LNPEP: variants seen among roughly 807,000 people sequenced by gnomAD.
LNPEP encodes the protein leucyl and cystinyl aminopeptidase, also known as leucyl-cystinyl aminopeptidase.
In LNPEP, 64 loss-of-function variants were observed where a neutral mutation model predicts 120.6. The ratio of observed to expected loss-of-function variants is 0.53; its 90% CI spans 0.43 to 0.65. LNPEP has a LOEUF of 0.65. Ranked by LOEUF, LNPEP falls within the 30% of genes least tolerant of loss-of-function variation. The pLI is 0.00. For synonymous variants in LNPEP, 435 were observed against 425.4 expected (o/e 1.02, Z -0.28); for missense variants, 1,057 against 1,200.0 (o/e 0.88, Z 1.76).
chr5:96,954,772 ATTTTT>A (rs1160402498), intron 1 of LNPEP, among the ~76,000 whole-genome samples: 8 of 27,106 alleles, frequency 3.0e-4, no homozygotes, highest in East Asian at 1.2e-3. Context: ...ATATATATAT[ATTTTT>A]TTTTTTTTTT....
chr5:96,967,318 T>G (rs866959676), intron 1 of LNPEP, among the ~76,000 whole-genome samples: 1 of 152,018 alleles, frequency 6.6e-6, no homozygotes, highest in Non-Finnish European at 1.5e-5. Flanking sequence ...TATTATTTTT[T>G]TTTTTTGGTA....
At position 97,030,023 on chromosome 5, in the gene LNPEP, C is replaced by T. The variant is rs532609324; in HGVS notation, c.*1490C>T. 3.3e-5 allele frequency: 5 copies of T among 152,170 alleles called. No individual in the cohort carries two copies. In the East Asian group the frequency reaches 9.6e-4, roughly 29 times the overall value. The allele number at this position is 152,170 out of a possible 1,614,324, so 9.4% of individuals were successfully genotyped here. A position where few individuals can be genotyped will look rare whatever the true frequency, so the allele number is the denominator to read the frequency against. ...TACCCATTTGTGAGCACTTAAAACA[C>T]TCCACAGAGTCAGACAGTGGGAAAG... On this transcript the variant is annotated 3_prime_UTR_variant, in exon 18 of 18. Transcript: ENST00000231368.
intron 1 of LNPEP, among the ~76,000 whole-genome samples, chr5:96,939,846 A>G (rs73152147): frequency 0.043 from 6,473 of 152,176 alleles, 448 homozygotes; most frequent in African/African-American, 0.15. Flanking sequence ...ACAAATAACA[A>G]TTGTTCTATA....
intron 1 of LNPEP, among the ~76,000 whole-genome samples, chr5:96,966,054 T>A (rs1047449518): frequency 7.2e-5 from 11 of 152,170 alleles, no homozygotes; most frequent in Non-Finnish European, 1.3e-4. Context: ...CCTGGATAGA[T>A]ATTTAAAACA....
At chr5:97,024,780 C>A in intron 15 of LNPEP, 98 bp downstream of exon 15, 4 of 1,126,662 alleles carry the variant, frequency 3.6e-6, no homozygotes, top group Non-Finnish European at 3.8e-6. Context: ...CTCTTTTCCC[C>A]ACTTCTGTTA....
At chr5:97,015,374 C>G in intron 13 of LNPEP, among the ~76,000 whole-genome samples, 1 of 152,164 alleles carries the variant, frequency 6.6e-6, no homozygotes, top group South Asian at 2.1e-4. Flanking sequence ...TATTCAGATC[C>G]TGTTTTATTT....
At chr5:96,978,591 T>G (rs1790053643) in intron 1 of LNPEP, among the ~76,000 whole-genome samples, 1 of 152,172 alleles carries the variant, frequency 6.6e-6, no homozygotes, top group South Asian at 2.1e-4. Context: ...CATACCAGCT[T>G]GTGGTGCTCC....
Position 96,983,683 on chromosome 5 carries a change from G to A in LNPEP, c.861-1397G>A, listed in dbSNP as rs186405570. Reference sequence around the variant, plus strand: ...GCTGGTCTCAAACTCCTGATCTCAAGTGATCCGCCCACCTTGGCCTCCCAA... The same window carrying A: ...GCTGGTCTCAAACTCCTGATCTCAAATGATCCGCCCACCTTGGCCTCCCAA... On this transcript the variant is annotated intron_variant, in intron 2 of 17. Transcript: ENST00000231368. Among the ~76,000 whole-genome samples the A allele has an allele frequency of 2.4e-3, 365 of 152,298 alleles. 1 individual carries two copies. The highest frequency in any genetic ancestry group is 3.7e-3 in the Non-Finnish European group (252 of 68,024).
intron 6 of LNPEP, among the ~76,000 whole-genome samples, chr5:96,995,092 G>C (rs1337643449): frequency 1.3e-5 from 2 of 152,040 alleles, no homozygotes; most frequent in Non-Finnish European, 2.9e-5. Context: ...TGACAACAGA[G>C]TGAAACTCCA....
intron 1 of LNPEP, among the ~76,000 whole-genome samples, chr5:96,972,303 C>A (rs2112596146): frequency 6.6e-6 from 1 of 152,096 alleles, no homozygotes; most frequent in African/African-American, 2.4e-5. Flanking sequence ...TAGAGTAGGT[C>A]TTATTCTAGG....
rs573270690 is a variant in LNPEP, at chr5:97,037,389, G to A, written c.*8856G>A. 2 of 152,070 alleles carry A rather than the reference G, an allele frequency of 1.3e-5. No homozygotes were observed. Among genetic ancestry groups the A allele is most frequent in the African/African-American group, 4.8e-5 (2 of 41,408 alleles). The allele number at this position is 152,070 out of a possible 1,614,324, so 9.4% of individuals were successfully genotyped here. On this transcript the variant is annotated 3_prime_UTR_variant, in exon 18 of 18. Coordinates refer to ENST00000231368, the MANE Select transcript of LNPEP (RefSeq NM_005575.3). ...GTTGTTTCACTTGTAAAGGGAAAAG[G>A]CTTATTTTTCTTTATATTTCTGATA...
chr5:97,001,243 A>G (rs943988286), intron 8 of LNPEP, among the ~76,000 whole-genome samples: 9 of 152,184 alleles, frequency 5.9e-5, no homozygotes, highest in African/African-American at 2.2e-4. Flanking sequence ...TGGAGGTACA[A>G]CTGGACTTGG....
chr5:97,005,129 A>C (rs985631868), intron 9 of LNPEP, among the ~76,000 whole-genome samples: 1 of 152,192 alleles, frequency 6.6e-6, no homozygotes, highest in African/African-American at 2.4e-5. Flanking sequence ...GATAAATACA[A>C]GTTTAATTAA....
chr5:97,009,995 C>T (rs931652797), intron 11 of LNPEP, among the ~76,000 whole-genome samples: 3 of 151,546 alleles, frequency 2.0e-5, no homozygotes, highest in Middle Eastern at 3.2e-3. Context: ...TGTTCTAATT[C>T]AAGGGTTGTT....
chr5:96,963,378 T>G (rs1422939062), intron 1 of LNPEP, among the ~76,000 whole-genome samples: 1 of 152,226 alleles, frequency 6.6e-6, no homozygotes, highest in Non-Finnish European at 1.5e-5. Context: ...GGGTGTTTCC[T>G]CTGCTGATCT....
At position 96,938,407 on chromosome 5, in the gene LNPEP, A is replaced by G. The variant is rs1187990070; in HGVS notation, c.19+2233A>G. On this transcript the variant is annotated intron_variant, in intron 1 of 17. Transcript: ENST00000231368. ...TATCCCTATATATGTAGAGAGGTGT[A>G]TGAGCTTAACAAAAAACAGTTTCAG... 3.3e-5 allele frequency among the ~76,000 whole-genome samples: 5 copies of G among 152,238 alleles called. No homozygotes were observed. In the East Asian group the frequency reaches 9.6e-4, roughly 29 times the overall value.
intron 13 of LNPEP, among the ~76,000 whole-genome samples, chr5:97,016,293 C>T (rs927084961): frequency 1.3e-5 from 2 of 152,244 alleles, no homozygotes; most frequent in Non-Finnish European, 2.9e-5. Context: ...TGTAGTGACA[C>T]TCAGTAAACG....
At chr5:97,003,054 G>A (rs1168447456) in intron 8 of LNPEP, among the ~76,000 whole-genome samples, 1 of 152,138 alleles carries the variant, frequency 6.6e-6, no homozygotes, top group Non-Finnish European at 1.5e-5. Context: ...GGGGATGGAG[G>A]TGTAGGTGCC....
rs927452822 is a variant in LNPEP at position 97,029,822 on chromosome 5, A to G, written c.*1289A>G. The G allele has an allele frequency of 6.6e-6, 1 of 152,212 alleles. No homozygotes were observed. Among genetic ancestry groups the G allele is most frequent in the Admixed American group, 6.5e-5 (1 of 15,278 alleles). 9.4% of individuals were successfully genotyped at this position (152,212 alleles called of 1,614,324 possible). A position where few individuals can be genotyped will look rare whatever the true frequency, so the allele number is the denominator to read the frequency against. On this transcript the variant is annotated 3_prime_UTR_variant, in exon 18 of 18. Transcript: ENST00000231368. ...AATGAGGGAGGATGTCCGAAACTGT[A>G]TGGCATTTTACTCCTTCTGAAAGAG...
Sources: gnomAD v4.1 joint callset for allele counts (sites outside exome capture counted in the v4.1 genomes callset) on GRCh38, gnomAD v4.1.1 for gene constraint, MANE v1.5 for transcripts, NCBI Gene and HGNC (gene_info 2026-07-23, HGNC 2026-07-21) for gene names.